Variants in ANKFN1 observed in about 807,000 individuals in gnomAD.
ANKFN1 encodes ankyrin repeat and fibronectin type III domain containing 1, also known as ankyrin repeat and fibronectin type-III domain-containing protein 1.
In ANKFN1, 74 loss-of-function variants were observed where a neutral mutation model predicts 108.7. The observed-to-expected ratio is 0.68, with a 90% CI of 0.56 to 0.83. The LOEUF (loss-of-function observed/expected upper bound fraction) is 0.83. Ranked by LOEUF, ANKFN1 falls within the 40% of genes least tolerant of loss-of-function variation. The probability of loss-of-function intolerance (pLI) is 0.00; values close to 1 mark genes in which losing one functional copy is unlikely to be tolerated. For synonymous variants in ANKFN1, 547 were observed against 516.2 expected, an observed-to-expected ratio of 1.06 and a Z score of -0.81; for missense variants, 1,505 against 1,382.3, an observed-to-expected ratio of 1.09 and a Z score of -1.41.
intron 19 of ANKFN1, among the ~76,000 whole-genome samples, chr17:56,495,005 C>G (rs1039542314): frequency 6.6e-6 from 1 of 152,080 alleles, no homozygotes; most frequent in Non-Finnish European, 1.5e-5. Flanking sequence ...TATGTCACAC[C>G]ATTAAGTGGG....
chr17:56,195,671 A>G (rs535362942), intron 1 of ANKFN1, among the ~76,000 whole-genome samples: 9 of 152,282 alleles, frequency 5.9e-5, no homozygotes, highest in African/African-American at 1.9e-4. Context: ...CTCATCAAGT[A>G]AACTCTCAAG....
intron 6 of ANKFN1, among the ~76,000 whole-genome samples, chr17:56,365,376 A>G (rs1391917633): frequency 6.6e-6 from 1 of 152,222 alleles, no homozygotes; most frequent in African/African-American, 2.4e-5. Context: ...TTCTAAAAGT[A>G]TAAGATCAAT....
At chr17:56,425,075 G>C (rs563605798) in intron 8 of ANKFN1, among the ~76,000 whole-genome samples, 1 of 150,354 alleles carries the variant, frequency 6.7e-6, no homozygotes, top group South Asian at 2.1e-4. Context: ...ATATGACCAC[G>C]ATATATGATT....
At chr17:56,281,324 A>G (rs919466739) in intron 3 of ANKFN1, among the ~76,000 whole-genome samples, 6 of 152,230 alleles carry the variant, frequency 3.9e-5, no homozygotes, top group African/African-American at 1.4e-4. Context: ...AATGTTTTCA[A>G]TAAATGGTTC....
intron 8 of ANKFN1, among the ~76,000 whole-genome samples, chr17:56,388,808 T>C (rs1292603341): frequency 6.6e-6 from 1 of 152,196 alleles, no homozygotes; most frequent in Non-Finnish European, 1.5e-5. Context: ...TACATAGTAA[T>C]AACTCACTAG....
chr17:56,156,839 T>C (rs1279406260), intron 1 of ANKFN1, among the ~76,000 whole-genome samples: 5 of 152,260 alleles, frequency 3.3e-5, no homozygotes, highest in African/African-American at 1.2e-4. Flanking sequence ...CTCACTCATT[T>C]ATAGACTATC....
chr17:56,415,631 C>T (rs74423090), intron 8 of ANKFN1, among the ~76,000 whole-genome samples: 266 of 152,176 alleles, frequency 1.7e-3, no homozygotes, highest in African/African-American at 5.7e-3. Flanking sequence ...TTAAAATATC[C>T]GTACTACCCA....
At chr17:56,174,561 G>A (rs1910957750) in intron 1 of ANKFN1, among the ~76,000 whole-genome samples, 1 of 152,150 alleles carries the variant, frequency 6.6e-6, no homozygotes, top group Non-Finnish European at 1.5e-5. Context: ...GGTGATTCAT[G>A]GTTGTTTTCT....
At chr17:56,335,792 C>T (rs1431570322) in intron 4 of ANKFN1, among the ~76,000 whole-genome samples, 1 of 151,666 alleles carries the variant, frequency 6.6e-6, no homozygotes, top group Admixed American at 6.6e-5. Context: ...CTGTCTTGTG[C>T]CAGTTTTCAA....
intron 1 of ANKFN1, among the ~76,000 whole-genome samples, chr17:56,205,419 A>T (rs80072925): frequency 6.6e-6 from 1 of 152,228 alleles, no homozygotes; most frequent in Non-Finnish European, 1.5e-5. Context: ...ATTTATTTAC[A>T]TATCATCTGT....
intron 3 of ANKFN1, among the ~76,000 whole-genome samples, chr17:56,274,280 T>C (rs896538457): frequency 5.9e-5 from 9 of 152,136 alleles, no homozygotes; most frequent in African/African-American, 2.2e-4. Context: ...GAGACCATCC[T>C]GGCTAACATG....
At chr17:56,319,477 C>T (rs2045302875) in intron 3 of ANKFN1, among the ~76,000 whole-genome samples, 1 of 152,162 alleles carries the variant, frequency 6.6e-6, no homozygotes, top group Non-Finnish European at 1.5e-5. Context: ...AGAGGAACGG[C>T]CAAAATGAGT....
intron 4 of ANKFN1, among the ~76,000 whole-genome samples, chr17:56,327,109 A>G (rs187549285): frequency 1.2e-4 from 19 of 152,288 alleles, no homozygotes; most frequent in African/African-American, 4.6e-4. Flanking sequence ...CAGGAGCTCC[A>G]CTGATAATCA....
chr17:56,171,276 G>T (rs941543123), intron 1 of ANKFN1, among the ~76,000 whole-genome samples: 6 of 152,120 alleles, frequency 3.9e-5, no homozygotes, highest in African/African-American at 1.4e-4. Flanking sequence ...GTGCTGGGGA[G>T]ACCGGAGCCA....
intron 3 of ANKFN1, among the ~76,000 whole-genome samples, chr17:56,240,487 A>T (rs988459542): frequency 6.6e-6 from 1 of 152,154 alleles, no homozygotes; most frequent in African/African-American, 2.4e-5. Context: ...CTATAAAAAA[A>T]TACTGCAATG....
intron 8 of ANKFN1, among the ~76,000 whole-genome samples, chr17:56,415,852 G>T (rs551291890): frequency 6.6e-6 from 1 of 152,150 alleles, no homozygotes; most frequent in South Asian, 2.1e-4. Flanking sequence ...CATGGTACTG[G>T]CATAAAAACA....
chr17:56,167,322 T>C (rs200913577), intron 1 of ANKFN1, among the ~76,000 whole-genome samples: 463 of 34,876 alleles, frequency 0.013, 1 homozygote, highest in South Asian at 0.099. Context: ...CACACACATA[T>C]ATATATATAT....
intron 4 of ANKFN1, among the ~76,000 whole-genome samples, chr17:56,077,250 A>G (rs1284617684): frequency 6.6e-6 from 1 of 152,168 alleles, no homozygotes; most frequent in Non-Finnish European, 1.5e-5. Context: ...GTATTCTTCC[A>G]TTTTACCCAT....
intron 1 of ANKFN1, among the ~76,000 whole-genome samples, chr17:56,163,148 T>C (rs1267223681): frequency 6.6e-6 from 1 of 151,998 alleles, no homozygotes; most frequent in Non-Finnish European, 1.5e-5. Flanking sequence ...GATAAACAGG[T>C]TTTTCTCCCC....
Sources: allele counts gnomAD v4.1 joint callset (sites outside exome capture counted in the v4.1 genomes callset), GRCh38; gene constraint gnomAD v4.1.1; transcripts MANE v1.5; gene names NCBI Gene and HGNC (gene_info 2026-07-23, HGNC 2026-07-21).